GLT1D1: variants seen among roughly 807,000 people sequenced by gnomAD.
GLT1D1 encodes glycosyltransferase 1 domain containing 1.
GLT1D1 carries 21 observed loss-of-function variants against 28.7 expected under a neutral mutation model. The observed-to-expected ratio is 0.73, with a 90% CI of 0.52 to 1.05. The LOEUF is 1.05. Among genes scored for constraint, GLT1D1 ranks in the 50% least tolerant of loss-of-function variants. The pLI is 0.00. For synonymous variants in GLT1D1, 147 were observed against 124.8 expected (o/e 1.18, Z -1.19); for missense variants, 343 against 330.6 (o/e 1.04, Z -0.29).
At chr12:128,916,212 C>T (rs1305350006) in intron 4 of GLT1D1, among the ~76,000 whole-genome samples, 2 of 152,052 alleles carry the variant, frequency 1.3e-5, no homozygotes, top group Non-Finnish European at 2.9e-5. Flanking sequence ...TCTTAGTATT[C>T]TATTTTGGAA....
intron 4 of GLT1D1, among the ~76,000 whole-genome samples, chr12:128,915,565 G>A (rs113542554): frequency 3.0e-4 from 45 of 151,978 alleles, no homozygotes; most frequent in South Asian, 6.2e-4. Flanking sequence ...GGGTTTTGCC[G>A]TATTGGCCAG....
intron 6 of GLT1D1, among the ~76,000 whole-genome samples, chr12:128,949,968 C>T (rs1355415306): frequency 1.3e-5 from 2 of 152,200 alleles, no homozygotes; most frequent in Admixed American, 6.5e-5. Context: ...TTCCAGACTC[C>T]AGCCCTAGTG....
At chr12:128,926,317 G>A in intron 4 of GLT1D1, 42 bp from the exon 7 acceptor site, 1 of 1,044,356 alleles carries the variant, frequency 9.6e-7, no homozygotes, top group Non-Finnish European at 1.4e-6. Context: ...GCAGCATCCA[G>A]AGCCCTCCCC....
intron 4 of GLT1D1, among the ~76,000 whole-genome samples, chr12:128,936,563 T>G (rs1874586062): frequency 6.6e-6 from 1 of 152,244 alleles, no homozygotes. Context: ...AAAGCTTCTT[T>G]GATCTCTTAG....
At chr12:128,955,217 G>A (rs1877147654) in intron 6 of GLT1D1, among the ~76,000 whole-genome samples, 1 of 152,136 alleles carries the variant, frequency 6.6e-6, no homozygotes, top group South Asian at 2.1e-4. Context: ...TAGAAGAACT[G>A]AAAGAATGGT....
intron 4 of GLT1D1, among the ~76,000 whole-genome samples, chr12:128,929,737 G>A (rs1400855194): frequency 1.3e-5 from 2 of 152,146 alleles, no homozygotes; most frequent in Non-Finnish European, 2.9e-5. Context: ...CAAGAGGGGC[G>A]ATCACCTGAG....
chr12:128,882,370 G>C (rs1367026840), intron 2 of GLT1D1, among the ~76,000 whole-genome samples: 5 of 149,738 alleles, frequency 3.3e-5, no homozygotes, highest in Admixed American at 1.4e-4. Context: ...TCCACCTCCC[G>C]GGTTCAAGCA....
chr12:128,919,943 TTCTCTCTC>T (rs1160496585), intron 4 of GLT1D1, among the ~76,000 whole-genome samples: 196 of 109,758 alleles, frequency 1.8e-3, no homozygotes, highest in African/African-American at 6.5e-3. Flanking sequence ...TATTGCTTAT[TTCTCTCTC>T]TCTCTCTCTC....
chr12:128,957,421 A>AT lies in GLT1D1; in HGVS notation c.541-118dup, dbSNP rs1333984730. ...TTGGGATATCGTTTTGGAAAGGCGT[A>AT]TTTTTTGTGAGGTGCCAGAGGTCCA... On this transcript the variant is annotated intron_variant, in intron 6 of 7. Transcript: ENST00000281703. 1.1e-5 allele frequency: 7 copies of AT among 620,294 alleles called. No homozygotes were observed. In the East Asian group the frequency reaches 2.0e-4, roughly 18 times the overall value. 38.4% of individuals were successfully genotyped at this position (620,294 alleles called of 1,614,324 possible). A position where few individuals can be genotyped will look rare whatever the true frequency, so the allele number is the denominator to read the frequency against.
chr12:128,859,690 T>G (rs1956310261), intron 1 of GLT1D1, among the ~76,000 whole-genome samples: 1 of 152,158 alleles, frequency 6.6e-6, no homozygotes, highest in Non-Finnish European at 1.5e-5. Flanking sequence ...GATTGCACCA[T>G]GAAAGGCCAT....
chr12:128,972,735 C>A (rs1177588923), intron 7 of GLT1D1, among the ~76,000 whole-genome samples: 1 of 152,148 alleles, frequency 6.6e-6, no homozygotes, highest in African/African-American at 2.4e-5. Context: ...AGGCCCAGAA[C>A]CTGGTAAAAG....
At chr12:128,934,631 C>A (rs1874352787) in intron 4 of GLT1D1, among the ~76,000 whole-genome samples, 1 of 152,236 alleles carries the variant, frequency 6.6e-6, no homozygotes, top group Non-Finnish European at 1.5e-5. Flanking sequence ...GCCTCCACCC[C>A]AGGCATCAGA....
In GLT1D1 at chr12:128,861,715, C is replaced by T. The variant is rs1373717435; in HGVS notation, c.68+8066C>T. 3.3e-5 allele frequency among the ~76,000 whole-genome samples: 5 copies of T among 152,030 alleles called. No individual in the cohort carries two copies. In the South Asian group the frequency reaches 1.0e-3, roughly 32 times the overall value. On this transcript the variant is annotated intron_variant, in intron 1 of 7. Transcript: ENST00000281703. ...AGCATTTTAGATAATGGGGGCAGAT[C>T]GGAGCACTACAGGACACGGACCAGA...
At chr12:128,972,141 G>C (rs539474384) in intron 7 of GLT1D1, among the ~76,000 whole-genome samples, 1 of 152,156 alleles carries the variant, frequency 6.6e-6, no homozygotes, top group South Asian at 2.1e-4. Flanking sequence ...AGACGACCAG[G>C]GTGCCAACAG....
chr12:128,869,251 T>C (rs1223861246), intron 1 of GLT1D1, among the ~76,000 whole-genome samples: 2 of 152,076 alleles, frequency 1.3e-5, no homozygotes, highest in Non-Finnish European at 2.9e-5. Flanking sequence ...ACTGCAGCCT[T>C]GTCTTCCAGG....
In GLT1D1 at chr12:128,957,653, A is replaced by T. The variant is rs749274686; in HGVS notation, c.639+10A>T. On this transcript the variant is annotated intron_variant, in intron 7 of 7. Transcript: ENST00000281703. The stretch of plus-strand genomic sequence containing the variant: ...GTTTTCCAATCCTCAGGTAAAGAAA[A>T]GTTCTTTCCCTCCATTCACTCACCT... 3 of 1,549,300 alleles carry T rather than the reference A, an allele frequency of 1.9e-6. No homozygotes were observed. Among genetic ancestry groups the T allele is most frequent in the Non-Finnish European group, 2.7e-6 (3 of 1,121,176 alleles).
chr12:128,895,918 C>T (rs1213739857), intron 3 of GLT1D1, among the ~76,000 whole-genome samples: 2 of 151,974 alleles, frequency 1.3e-5, no homozygotes, highest in East Asian at 1.9e-4. Context: ...TTCGATGAAA[C>T]GGAATGGTAT....
At chr12:128,854,408 T>C (rs1362777421) in intron 1 of GLT1D1, among the ~76,000 whole-genome samples, 4 of 150,418 alleles carry the variant, frequency 2.7e-5, no homozygotes, top group Non-Finnish European at 5.9e-5. Context: ...TGTGTGTGTG[T>C]GTGTGTGTGT....
At chr12:128,947,920 C>A (rs572115959) in intron 6 of GLT1D1, among the ~76,000 whole-genome samples, 5 of 152,102 alleles carry the variant, frequency 3.3e-5, no homozygotes, top group Non-Finnish European at 7.4e-5. Context: ...GGGTAGTGTT[C>A]GTAGATGACG....
Sources: gnomAD v4.1 joint callset for allele counts (sites outside exome capture counted in the v4.1 genomes callset) on GRCh38, gnomAD v4.1.1 for gene constraint, MANE v1.5 for transcripts, NCBI Gene and HGNC (gene_info 2026-07-23, HGNC 2026-07-21) for gene names.